Variants in ITSN2 observed in about 807,000 individuals in gnomAD.
The protein encoded by ITSN2 is intersectin 2.
In ITSN2, 156 loss-of-function variants were observed where a neutral mutation model predicts 243.7. The observed-to-expected ratio is 0.64, with a 90% CI of 0.56 to 0.73. ITSN2 has a LOEUF of 0.73. ITSN2 is among the 30% of genes least tolerant of loss of function. The pLI is 0.00. For synonymous variants in ITSN2, 703 were observed against 699.9 expected (o/e 1.00, Z -0.07); for missense variants, 1,801 against 1,996.1 (o/e 0.90, Z 1.86).
At position 24,210,879 on chromosome 2, in the gene ITSN2, C is replaced by T; in HGVS notation, c.4158G>A (p.Glu1386=). The change falls in exon 34 of 40, where the codon GAG becomes GAA. Residue 1386 remains glutamate (E), a synonymous_variant. Coordinates refer to ENST00000355123, the MANE Select transcript of ITSN2 (RefSeq NM_006277.3). The part of the protein sequence containing the change: ...SSLKLALERA[E]ELCSQVNEGV... ...CCTCATTCACTTGAGAGCACAGCTC[C>T]TCTGCCCGCTCGAGGGCCAGCTTTA... The T allele has an allele frequency of 6.2e-7, 1 of 1,614,184 alleles. No individual in the cohort carries two copies. The highest frequency in any genetic ancestry group is 8.5e-7 in the Non-Finnish European group (1 of 1,180,034).
intron 21 of ITSN2, 62 bp from the exon 22 acceptor site, chr2:24,261,312 C>T: frequency 1.6e-6 from 2 of 1,218,428 alleles, no homozygotes; most frequent in South Asian, 1.4e-5. Flanking sequence ...GAAGTACTAC[C>T]AATTTATCAA....
Position 24,211,695 on chromosome 2 carries a change from T to C in ITSN2, c.4090-748A>G, listed in dbSNP as rs1359883793. Among the ~76,000 whole-genome samples the C allele has an allele frequency of 6.6e-6, 1 of 152,200 alleles. No individual in the cohort carries two copies. Among genetic ancestry groups the C allele is most frequent in the Non-Finnish European group, 1.5e-5 (1 of 68,026 alleles). On this transcript the variant is annotated intron_variant, in intron 33 of 39. Transcript: ENST00000355123. This position sits in a 1 kb window ranked among gnomAD's most constrained non-coding sequence, Gnocchi z 4.1. Reference sequence around the variant, plus strand: ...ACCCATTTGGTGGCAAAATCTGACCTAAACAGAAGAGATATATTTACTTAC... The same window carrying C: ...ACCCATTTGGTGGCAAAATCTGACCCAAACAGAAGAGATATATTTACTTAC...
chr2:24,208,174 A>G lies in ITSN2; in HGVS notation c.4678+63T>C, dbSNP rs1669102961. The stretch of plus-strand genomic sequence containing the variant: ...CCTATATCATCAGCCTGACTGCAGG[A>G]GCAGTGGCCGGCATTCCTAGGGCCC... On this transcript the variant is annotated intron_variant, in intron 37 of 39. Transcript: ENST00000355123. The G allele has an allele frequency of 1.2e-4, 157 of 1,319,124 alleles. 6 individuals carry two copies. In the South Asian group the frequency reaches 1.8e-3, roughly 15 times the overall value. The allele number at this position is 1,319,124 out of a possible 1,614,324, so 81.7% of individuals were successfully genotyped here. A position where few individuals can be genotyped will look rare whatever the true frequency, so the allele number is the denominator to read the frequency against.
chr2:24,325,795 T>C (rs567396179), intron 2 of ITSN2, among the ~76,000 whole-genome samples: 18 of 152,354 alleles, frequency 1.2e-4, no homozygotes, highest in African/African-American at 4.1e-4. Context: ...CTCATCTCAC[T>C]TGCTGGCTCT....
chr2:24,273,917 A>T (rs1004388522), intron 18 of ITSN2, among the ~76,000 whole-genome samples: 2 of 152,202 alleles, frequency 1.3e-5, no homozygotes, highest in African/African-American at 4.8e-5. Context: ...TCAATCCAAG[A>T]TGTGGTACTA....
intron 37 of ITSN2, 116 bp from the exon 38 acceptor site, chr2:24,205,413 C>T: frequency 2.4e-6 from 2 of 821,724 alleles, no homozygotes; most frequent in Non-Finnish European, 4.0e-6. Context: ...GCCCTGGGCC[C>T]AACAGCCCAG....
intron 2 of ITSN2, among the ~76,000 whole-genome samples, 160 bp from the exon 3 acceptor site, chr2:24,315,384 C>T (rs1002722140): frequency 2.0e-5 from 3 of 152,170 alleles, no homozygotes; most frequent in African/African-American, 7.2e-5. Context: ...TAGCACAGCC[C>T]TAAGGCTTTT....
At chr2:24,228,449 TTGAC>T (rs1671257044) in intron 29 of ITSN2, among the ~76,000 whole-genome samples, 1 of 152,202 alleles carries the variant, frequency 6.6e-6, no homozygotes, top group South Asian at 2.1e-4. Flanking sequence ...AAAATAATCA[TTGAC>T]TGTATAAAAC....
intron 1 of ITSN2, among the ~76,000 whole-genome samples, chr2:24,346,922 T>G (rs1687591700): frequency 7.0e-6 from 1 of 142,230 alleles, no homozygotes; most frequent in African/African-American, 2.6e-5. Flanking sequence ...TGGAGTGCAG[T>G]GGCATGATCT....
chr2:24,285,164 G>A (rs546664147), intron 16 of ITSN2, among the ~76,000 whole-genome samples: 4 of 152,112 alleles, frequency 2.6e-5, no homozygotes, highest in African/African-American at 9.6e-5. Flanking sequence ...CAAAGTGCTG[G>A]GATTACAGGC....
chr2:24,279,681 C>A lies in ITSN2; in HGVS notation c.1945-3832G>T, dbSNP rs918246298. On this transcript the variant is annotated intron_variant, in intron 17 of 39. Transcript: ENST00000355123. Reference sequence around the variant, plus strand: ...GAGTTCACTTTTTTAGATTCCTAGGCCAGGAGTTTTCGTTGCACTTCACTG... The same window carrying A: ...GAGTTCACTTTTTTAGATTCCTAGGACAGGAGTTTTCGTTGCACTTCACTG... 7.9e-5 allele frequency among the ~76,000 whole-genome samples: 12 copies of A among 151,216 alleles called. No homozygotes were observed. In the East Asian group the frequency reaches 2.3e-3, roughly 29 times the overall value.
Position 24,246,873 on chromosome 2 carries a change from C to T in ITSN2, c.3309G>A (p.Gln1103=). The change falls in exon 28 of 40, where the codon CAG becomes CAA. Residue 1103 remains glutamine, a synonymous_variant. Transcript: ENST00000355123. The part of the protein sequence containing the change: ...GELQARGKKR[Q]KGWFPASHVK... ...CATGACTGGCAGGAAACCATCCTTT[C>T]TGTCGCTTTTTTCCTCTGGCCTAAA... 1 of 1,612,580 alleles carries T rather than the reference C, an allele frequency of 6.2e-7. No individual in the cohort carries two copies. Among genetic ancestry groups the T allele is most frequent in the Non-Finnish European group, 8.5e-7 (1 of 1,179,202 alleles).
Position 24,308,618 on chromosome 2 carries a change from T to C in ITSN2, c.792A>G (p.Ser264=). The C allele has an allele frequency of 6.7e-7, 1 of 1,494,544 alleles. No homozygotes were observed. The allele number at this position is 1,494,544 out of a possible 1,614,324, so 92.6% of individuals were successfully genotyped here. ...TLDKSMSGYL[S]GFQARNALLQ... is the part of the protein sequence containing the mutation. ...TCTTCAGCACTGTATGCTGCTTACC[T>C]GAGAGATATCCACTCATACTTTTGT... Residue 264 remains serine (S), a splice_region_variant and synonymous_variant, in exon 8 of 40, where the codon TCA becomes TCG. Coordinates refer to ENST00000355123, the MANE Select transcript of ITSN2 (RefSeq NM_006277.3).
In ITSN2 at chr2:24,226,376, G is replaced by C. The variant is rs747112927; in HGVS notation, c.3578-5310C>G. Among the ~76,000 whole-genome samples, 67 of 152,270 alleles carry C rather than the reference G, an allele frequency of 4.4e-4. 1 individual carries two copies. Among genetic ancestry groups the C allele is most frequent in the Non-Finnish European group, 8.2e-4 (56 of 68,018 alleles). On this transcript the variant is annotated intron_variant, in intron 29 of 39. Coordinates refer to ENST00000355123, the MANE Select transcript of ITSN2 (RefSeq NM_006277.3). ...GACTGAATGTTACAGGGTGGAGTAGGAAAAATGTCCTCTCTCCAGAAGAGT... is the reference window on the plus strand; with the variant it reads ...GACTGAATGTTACAGGGTGGAGTAGCAAAAATGTCCTCTCTCCAGAAGAGT...
In ITSN2 at chr2:24,300,110, T is replaced by C. The variant is rs765771218; in HGVS notation, c.1143A>G (p.Arg381=). ...GTTGCTGCTCCATCAAGGCTTGGCG[T>C]CGCTTTTCCAGCTCCATGTTCCCTC... is the stretch of plus-strand genomic sequence containing the variant. The part of the protein sequence containing the change: ...YERGNMELEK[R]RQALMEQQQR... Residue 381 remains arginine (R), a synonymous_variant, in exon 12 of 40, where the codon CGA becomes CGG. Transcript: ENST00000355123. The C allele has an allele frequency of 6.2e-7, 1 of 1,614,202 alleles. No homozygotes were observed. Among genetic ancestry groups the C allele is most frequent in the Admixed American group, 1.7e-5 (1 of 60,028 alleles).
chr2:24,337,319 T>TATATATATACATATATATAC (rs1553395909), intron 1 of ITSN2, among the ~76,000 whole-genome samples: 1 of 66,976 alleles, frequency 1.5e-5, no homozygotes, highest in African/African-American at 7.5e-5. Context: ...ACACAAAATA[T>TATATATATACATATATATAC]ATATATATAT....
Position 24,217,857 on chromosome 2 carries a change from T to C in ITSN2, c.3806+50A>G, listed in dbSNP as rs780244148. ...GCAGAGGGTTTTGTGTGAGTCTCAG[T>C]CTGGGGGCTTTGGGGTCAGCGGCAA... On this transcript the variant is annotated intron_variant, in intron 31 of 39. Coordinates refer to ENST00000355123, the MANE Select transcript of ITSN2 (RefSeq NM_006277.3). The C allele has an allele frequency of 1.6e-5, 21 of 1,305,108 alleles. No homozygotes were observed. The East Asian group carries it at 4.6e-4, about 29-fold the overall frequency. The allele number at this position is 1,305,108 out of a possible 1,614,324, so 80.8% of individuals were successfully genotyped here. A position where few individuals can be genotyped will look rare whatever the true frequency, so the allele number is the denominator to read the frequency against.
At chr2:24,307,733 A>G (rs1426116309) in intron 8 of ITSN2, among the ~76,000 whole-genome samples, 1 of 152,220 alleles carries the variant, frequency 6.6e-6, no homozygotes, top group African/African-American at 2.4e-5. Context: ...GCCTCTCTGC[A>G]TAACTACAGA....
At chr2:24,210,654 A>G (rs1669387571) in intron 34 of ITSN2, 126 bp downstream of exon 34, 4 of 632,778 alleles carry the variant, frequency 6.3e-6, no homozygotes, top group East Asian at 6.3e-5. Context: ...ATGCCTTTGC[A>G]GGGGCAGGGT....
Sources: allele counts gnomAD v4.1 joint callset (sites outside exome capture counted in the v4.1 genomes callset), GRCh38; gene constraint gnomAD v4.1.1; non-coding constraint Gnocchi (gnomAD v3.1); transcripts MANE v1.5; gene names NCBI Gene and HGNC (gene_info 2026-07-23, HGNC 2026-07-21).